Variants in NIBAN1 observed in about 807,000 individuals in gnomAD.
The protein encoded by NIBAN1 is protein Niban 1.
A neutral mutation model predicts 75.1 loss-of-function variants in NIBAN1; 81 were observed. The ratio of observed to expected loss-of-function variants is 1.08; its 90% CI spans 0.90 to 1.30. The LOEUF (loss-of-function observed/expected upper bound fraction) is 1.30, where lower values mean the gene tolerates loss of function less well. Ranked by LOEUF, NIBAN1 falls within the 50% of genes most tolerant of loss-of-function variation. NIBAN1 has a pLI of 0.00. For synonymous variants in NIBAN1, 436 were observed against 424.8 expected, an observed-to-expected ratio of 1.03 and a Z score of -0.32; for missense variants, 1,133 against 1,128.1, an observed-to-expected ratio of 1.00 and a Z score of -0.06.
At position 184,795,390 on chromosome 1, in the gene NIBAN1, C is replaced by T; in HGVS notation, c.2374G>A (p.Gly792Ser). 2 of 1,605,942 alleles carry T rather than the reference C, an allele frequency of 1.2e-6. No homozygotes were observed. The highest frequency in any genetic ancestry group is 1.7e-6 in the Non-Finnish European group (2 of 1,176,592). ...GEELGGFPEV[G>S]SPASPPASGG... Reference sequence around the variant, plus strand: ...CTGGCTGGCGGAGAGGCTGGGCTGCCTACCTCTGGAAATCCCCCCAACTCC... The same window carrying T: ...CTGGCTGGCGGAGAGGCTGGGCTGCTTACCTCTGGAAATCCCCCCAACTCC... Residue 792 changes from glycine to serine, a missense_variant, in exon 14 of 14, where the codon GGC (glycine) becomes AGC (serine). By Grantham distance (56) the Gly-to-Ser change is moderately conservative. Coordinates refer to ENST00000367511, the MANE Select transcript of NIBAN1 (RefSeq NM_052966.4).
chr1:184,888,112 C>T (rs189759498), intron 4 of NIBAN1: 41 of 152,256 alleles, frequency 2.7e-4, no homozygotes, highest in African/African-American at 9.6e-4. Flanking sequence ...TTACTTGAGC[C>T]CAGGAGGTCG....
At chr1:184,948,746 T>G (rs917475270) in intron 1 of NIBAN1, among the ~76,000 whole-genome samples, 1 of 152,122 alleles carries the variant, frequency 6.6e-6, no homozygotes, top group African/African-American at 2.4e-5. Context: ...TACAATATAA[T>G]GTGGAGTGGC....
intron 5 of NIBAN1, among the ~76,000 whole-genome samples, chr1:184,843,174 T>C (rs1655340709): frequency 6.6e-6 from 1 of 152,224 alleles, no homozygotes; most frequent in Admixed American, 6.5e-5. Context: ...ACTAGAACTC[T>C]ACCCATGGTG....
intron 3 of NIBAN1, among the ~76,000 whole-genome samples, chr1:184,892,913 A>C (rs113801415): frequency 6.6e-6 from 1 of 152,136 alleles, no homozygotes; most frequent in African/African-American, 2.4e-5. Context: ...CTGAGACTAC[A>C]GGCATGCACC....
chr1:184,795,391 T>C lies in NIBAN1; in HGVS notation c.2373A>G (p.Val791=), dbSNP rs1318590692. 6.2e-7 allele frequency: 1 copy of C among 1,605,704 alleles called. No individual in the cohort carries two copies. Among genetic ancestry groups the C allele is most frequent in the Non-Finnish European group, 8.5e-7 (1 of 1,176,486 alleles). ...HGEELGGFPE[V]GSPASPPASG... Reference sequence around the variant, plus strand: ...TGGCTGGCGGAGAGGCTGGGCTGCCTACCTCTGGAAATCCCCCCAACTCCT... The same window carrying C: ...TGGCTGGCGGAGAGGCTGGGCTGCCCACCTCTGGAAATCCCCCCAACTCCT... Residue 791 remains valine, a synonymous_variant, in exon 14 of 14, where the codon GTA becomes GTG. Transcript: ENST00000367511.
rs189071643 is a variant in NIBAN1, at chr1:184,952,032, C to A, written c.55+22270G>T. The stretch of plus-strand genomic sequence containing the variant: ...CAGGGATTTAGTCTGCTTTGTTCAT[C>A]CCGTTTCACAGAACAGGGCATATTT... On this transcript the variant is annotated intron_variant, in intron 1 of 13. Transcript: ENST00000367511. 3.7e-4 allele frequency among the ~76,000 whole-genome samples: 57 copies of A among 152,346 alleles called. No homozygotes were observed. In the East Asian group the frequency reaches 0.01, roughly 27 times the overall value.
intron 5 of NIBAN1, among the ~76,000 whole-genome samples, chr1:184,860,937 A>G (rs1655799329): frequency 6.6e-6 from 1 of 152,238 alleles, no homozygotes; most frequent in Non-Finnish European, 1.5e-5. Flanking sequence ...GTGCCCACAC[A>G]TGTTTCAGTC....
intron 5 of NIBAN1, among the ~76,000 whole-genome samples, chr1:184,841,698 G>C (rs1347240162): frequency 6.6e-6 from 1 of 152,192 alleles, no homozygotes; most frequent in Non-Finnish European, 1.5e-5. Context: ...CTCAATATAA[G>C]GAGCAAATTT....
intron 10 of NIBAN1, 164 bp downstream of exon 10, chr1:184,807,910 G>T: frequency 1.4e-6 from 1 of 715,336 alleles, no homozygotes; most frequent in Non-Finnish European, 2.5e-6. Flanking sequence ...ATGGATGGAA[G>T]ATGAAGCCAG....
chr1:184,889,961 C>A (rs564411723), intron 4 of NIBAN1, 147 bp downstream of exon 4: 1 of 645,552 alleles, frequency 1.5e-6, no homozygotes, highest in Non-Finnish European at 2.7e-6. Context: ...CATAGCACCC[C>A]GATTCCAATT....
At chr1:184,804,732 C>A (rs1654142391) in intron 11 of NIBAN1, among the ~76,000 whole-genome samples, 1 of 151,378 alleles carries the variant, frequency 6.6e-6, no homozygotes, top group Non-Finnish European at 1.5e-5. Context: ...AGTTGCATTG[C>A]AATTTCATCA....
Position 184,894,102 on chromosome 1 carries a change from A to C in NIBAN1, c.291T>G (p.Tyr97Ter), listed in dbSNP as rs1277751020. 1 of 1,612,124 alleles carries C rather than the reference A, an allele frequency of 6.2e-7. No individual in the cohort carries two copies. Among genetic ancestry groups the C allele is most frequent in the Non-Finnish European group, 8.5e-7 (1 of 1,179,166 alleles). Residue 97 changes from tyrosine to a stop codon, truncating the protein, a stop_gained, in exon 3 of 14, where the codon TAT becomes TAG. Coordinates refer to ENST00000367511, the MANE Select transcript of NIBAN1 (RefSeq NM_052966.4). LOFTEE classifies it high-confidence loss of function. ...CTTTATTCTCATAGCTCTCCACAGC[A>C]TAATCATTTTTAACTACAACGTATC... ...KERYVVVKNDYAVESYENKEA... is the reference protein window; with the variant it reads ...KERYVVVKND
In NIBAN1 at chr1:184,820,912, T is replaced by C. The variant is rs144519447; in HGVS notation, c.986-2087A>G. On this transcript the variant is annotated intron_variant, in intron 8 of 13. Transcript: ENST00000367511. ...TGGCCCCTTGGAAGAACTCAGTAACTGTTAGCTCTTATTGTACCTGTTGGC... is the reference window on the plus strand; with the variant it reads ...TGGCCCCTTGGAAGAACTCAGTAACCGTTAGCTCTTATTGTACCTGTTGGC... Among the ~76,000 whole-genome samples the C allele has an allele frequency of 1.9e-3, 296 of 152,336 alleles. 3 individuals carry two copies. Among genetic ancestry groups the C allele is most frequent in the African/African-American group, 6.9e-3 (288 of 41,578 alleles).
intron 12 of NIBAN1, among the ~76,000 whole-genome samples, chr1:184,799,613 G>T (rs1477471961): frequency 7.6e-6 from 1 of 131,858 alleles, no homozygotes; most frequent in Non-Finnish European, 1.6e-5. Flanking sequence ...CTGAGGAATC[G>T]CCACACTGAC....
At chr1:184,922,438 C>T (rs1247105852) in intron 1 of NIBAN1, among the ~76,000 whole-genome samples, 1 of 152,068 alleles carries the variant, frequency 6.6e-6, no homozygotes, top group Non-Finnish European at 1.5e-5. Flanking sequence ...TACTCTCTAC[C>T]TCCGTGAGTT....
intron 10 of NIBAN1, among the ~76,000 whole-genome samples, chr1:184,807,161 G>C (rs138643946): frequency 3.9e-5 from 6 of 152,156 alleles, no homozygotes; most frequent in African/African-American, 7.2e-5. Flanking sequence ...ATCTGGTACA[G>C]TGTCCGGCCC....
At chr1:184,911,974 A>C (rs1329341711) in intron 1 of NIBAN1, among the ~76,000 whole-genome samples, 1 of 152,154 alleles carries the variant, frequency 6.6e-6, no homozygotes, top group Non-Finnish European at 1.5e-5. Context: ...ACCCTGCCCC[A>C]CAACATCACC....
intron 5 of NIBAN1, among the ~76,000 whole-genome samples, chr1:184,876,277 G>C (rs1207086423): frequency 6.6e-6 from 1 of 151,986 alleles, no homozygotes; most frequent in Non-Finnish European, 1.5e-5. Context: ...AGGCACTACA[G>C]AGAATAAAGA....
At chr1:184,821,097 A>G (rs925864204) in intron 8 of NIBAN1, among the ~76,000 whole-genome samples, 1 of 152,212 alleles carries the variant, frequency 6.6e-6, no homozygotes, top group Non-Finnish European at 1.5e-5. Context: ...CTGTCTCAGC[A>G]TCTGTGACAT....
Sources: gnomAD v4.1 joint callset for allele counts (sites outside exome capture counted in the v4.1 genomes callset) on GRCh38, gnomAD v4.1.1 for gene constraint, MANE v1.5 for transcripts, NCBI Gene and HGNC (gene_info 2026-07-23, HGNC 2026-07-21) for gene names.